Variants in LRP1B observed in about 807,000 individuals in gnomAD.
LRP1B encodes the protein low-density lipoprotein receptor-related protein 1B.
LRP1B carries 217 observed loss-of-function variants against 556.6 expected under a neutral mutation model. That is an observed-to-expected ratio of 0.39 (90% confidence interval 0.35 to 0.44). The LOEUF is 0.44. Ranked by LOEUF, LRP1B falls within the 20% of genes least tolerant of loss-of-function variation. The pLI is 1.00. For synonymous variants in LRP1B, 2,047 were observed against 1,865.8 expected (o/e 1.10, Z -2.50); for missense variants, 5,053 against 5,620.8 (o/e 0.90, Z 3.23).
At chr2:141,508,312 G>T (rs1684006134) in intron 2 of LRP1B, among the ~76,000 whole-genome samples, 1 of 152,122 alleles carries the variant, frequency 6.6e-6, no homozygotes, top group Non-Finnish European at 1.5e-5. Context: ...TCAAATGGCT[G>T]TATGTTCATC....
chr2:141,145,175 TGTCA>T (rs1485841890), intron 7 of LRP1B, among the ~76,000 whole-genome samples: 1 of 152,236 alleles, frequency 6.6e-6, no homozygotes, highest in Non-Finnish European at 1.5e-5. Context: ...TAATAATGCC[TGTCA>T]ATCACTATTA....
chr2:141,268,846 A>C (rs1026891133), intron 3 of LRP1B, among the ~76,000 whole-genome samples: 12 of 152,200 alleles, frequency 7.9e-5, no homozygotes, highest in African/African-American at 2.9e-4. Flanking sequence ...AAATACACTC[A>C]TAGGGTAGAA....
At chr2:141,674,991 T>G (rs2105419297) in intron 2 of LRP1B, among the ~76,000 whole-genome samples, 1 of 152,126 alleles carries the variant, frequency 6.6e-6, no homozygotes, top group African/African-American at 2.4e-5. Flanking sequence ...TTGTTTTGAT[T>G]TGTATTTTCA....
chr2:141,655,384 T>G (rs1362012158), intron 2 of LRP1B, among the ~76,000 whole-genome samples: 1 of 152,166 alleles, frequency 6.6e-6, no homozygotes, highest in Non-Finnish European at 1.5e-5. Context: ...GAGCCCTCCC[T>G]GATGTTATTA....
chr2:141,947,429 C>A (rs1379395130), intron 1 of LRP1B, among the ~76,000 whole-genome samples: 1 of 151,350 alleles, frequency 6.6e-6, no homozygotes, highest in Non-Finnish European at 1.5e-5. Flanking sequence ...CAGCGAGAGT[C>A]CATCTCAAAA....
At chr2:141,464,401 A>G (rs1682078503) in intron 3 of LRP1B, among the ~76,000 whole-genome samples, 1 of 148,424 alleles carries the variant, frequency 6.7e-6, no homozygotes. Flanking sequence ...TCTATCTGAT[A>G]TGTTGTTTTT....
chr2:140,509,077 C>CAA (rs1689540151), intron 52 of LRP1B, among the ~76,000 whole-genome samples: 1 of 61,908 alleles, frequency 1.6e-5, no homozygotes, highest in Non-Finnish European at 3.4e-5. Flanking sequence ...CACACACACA[C>CAA]ACACAAACAC....
intron 1 of LRP1B, among the ~76,000 whole-genome samples, chr2:141,928,967 T>C (rs991148390): frequency 1.3e-4 from 20 of 152,042 alleles, no homozygotes; most frequent in African/African-American, 4.8e-4. Context: ...TAAAAGTATC[T>C]TTGTAGGAGA....
At chr2:141,217,115 T>C (rs1682846706) in intron 6 of LRP1B, among the ~76,000 whole-genome samples, 1 of 152,098 alleles carries the variant, frequency 6.6e-6, no homozygotes, top group Non-Finnish European at 1.5e-5. Flanking sequence ...CCAAATCTCA[T>C]GTTAAATTGT....
At chr2:140,980,138 C>T (rs1180741061) in intron 18 of LRP1B, among the ~76,000 whole-genome samples, 1 of 151,834 alleles carries the variant, frequency 6.6e-6, no homozygotes, top group East Asian at 1.9e-4. Context: ...GATCAAAGAC[C>T]TAATAGAAGT....
chr2:141,103,162 G>A (rs1700508482), intron 7 of LRP1B, among the ~76,000 whole-genome samples: 1 of 151,882 alleles, frequency 6.6e-6, no homozygotes, highest in Non-Finnish European at 1.5e-5. Context: ...AAAAAAAAAG[G>A]TAACTCTAAA....
chr2:141,643,044 T>C (rs1245338180), intron 2 of LRP1B, among the ~76,000 whole-genome samples: 1 of 152,086 alleles, frequency 6.6e-6, no homozygotes, highest in Non-Finnish European at 1.5e-5. Context: ...GAAAGAATAC[T>C]GTTAAGGGGG....
chr2:141,008,419 A>C (rs902980465), intron 14 of LRP1B, among the ~76,000 whole-genome samples: 1 of 150,988 alleles, frequency 6.6e-6, no homozygotes, highest in African/African-American at 2.4e-5. Context: ...TCTAATCATT[A>C]TAATTATTTA....
At position 141,977,211 on chromosome 2, in the gene LRP1B, A is replaced by G. The variant is rs149850008; in HGVS notation, c.82+153437T>C. Among the ~76,000 whole-genome samples the G allele has an allele frequency of 6.9e-3, 1,043 of 152,184 alleles. 15 individuals are homozygous for G. Among genetic ancestry groups the G allele is most frequent in the African/African-American group, 0.024 (1,010 of 41,526 alleles). ...AAATTTTAAATCCTATTTCTATCTT[A>G]TTATCCAGTAAGCTTTGATATTCAT... On this transcript the variant is annotated intron_variant, in intron 1 of 90. Coordinates refer to ENST00000389484, the MANE Select transcript of LRP1B (RefSeq NM_018557.3).
chr2:140,304,121 C>T (rs1019506270), intron 83 of LRP1B, among the ~76,000 whole-genome samples: 7 of 152,130 alleles, frequency 4.6e-5, no homozygotes, highest in Admixed American at 1.3e-4. Context: ...AATAAACGTA[C>T]GTGTCCATGT....
At chr2:142,099,142 T>G (rs1574683086) in intron 1 of LRP1B, among the ~76,000 whole-genome samples, 1 of 151,982 alleles carries the variant, frequency 6.6e-6, no homozygotes, top group African/African-American at 2.4e-5. Context: ...TCTAATCTTC[T>G]GTCATATTTC....
In LRP1B at chr2:140,238,215, C is replaced by T. The variant is rs566429557; in HGVS notation, c.13497G>A (p.Glu4499=). 6.7e-5 allele frequency: 107 copies of T among 1,603,640 alleles called. 1 individual carries two copies. The South Asian group carries it at 1.1e-3, about 17-fold the overall frequency. Residue 4499 remains glutamate (E), a synonymous_variant, in exon 89 of 91, where the codon GAG becomes GAA. Coordinates refer to ENST00000389484, the MANE Select transcript of LRP1B (RefSeq NM_018557.3). The part of the protein sequence containing the change: ...EIGNPSYNMY[E]VDHDHNDGGL... ...CTCCATCGTTGTGATCATGATCTAC[C>T]TCATACATGTTATAAGATGGATTGC...
intron 1 of LRP1B, among the ~76,000 whole-genome samples, chr2:141,838,359 A>T (rs552171927): frequency 2.6e-5 from 4 of 152,250 alleles, no homozygotes; most frequent in Admixed American, 2.6e-4. Context: ...GGAAGTCATG[A>T]TTGATGTCAT....
chr2:140,346,023 ATTGGAATTT>A (rs1054592085), intron 77 of LRP1B, among the ~76,000 whole-genome samples: 2 of 150,810 alleles, frequency 1.3e-5, no homozygotes, highest in African/African-American at 4.9e-5. Context: ...TAAACAAACA[ATTGGAATTT>A]TCTGTATTGA....
Sources: gnomAD v4.1 joint callset for allele counts (sites outside exome capture counted in the v4.1 genomes callset) on GRCh38, gnomAD v4.1.1 for gene constraint, MANE v1.5 for transcripts, NCBI Gene and HGNC (gene_info 2026-07-23, HGNC 2026-07-21) for gene names.